Variants in HSPA12A observed in about 807,000 individuals in gnomAD.
The protein encoded by HSPA12A is heat shock protein family A (Hsp70) member 12A, also known as heat shock 70 kDa protein 12A.
In HSPA12A, 28 loss-of-function variants were observed where a neutral mutation model predicts 69.2. That is an observed-to-expected ratio of 0.40 (90% CI 0.30 to 0.55). The LOEUF (loss-of-function observed/expected upper bound fraction) is 0.55. Among genes scored for constraint, HSPA12A ranks in the 20% least tolerant of loss-of-function variants. The probability of loss-of-function intolerance (pLI) is 0.38; values close to 1 mark genes in which losing one functional copy is unlikely to be tolerated. For missense variants in HSPA12A, 686 were observed against 900.7 expected (o/e 0.76, Z 3.05); for synonymous variants, 345 against 370.5 (o/e 0.93, Z 0.79).
intron 2 of HSPA12A, among the ~76,000 whole-genome samples, chr10:116,812,396 C>A (rs1041433148): frequency 3.3e-5 from 5 of 151,766 alleles, no homozygotes; most frequent in African/African-American, 1.2e-4. Flanking sequence ...GAGGATGCAG[C>A]GAGTCGAAAT....
intron 1 of HSPA12A, among the ~76,000 whole-genome samples, chr10:116,839,602 C>CGT (rs1564836870): frequency 2.7e-5 from 3 of 110,568 alleles, no homozygotes; most frequent in Non-Finnish European, 5.2e-5. Context: ...AGATGCCTAC[C>CGT]GTAAAAAAAA....
chr10:116,836,030 A>C (rs533701647), intron 1 of HSPA12A, among the ~76,000 whole-genome samples: 1 of 152,320 alleles, frequency 6.6e-6, no homozygotes, highest in Non-Finnish European at 1.5e-5. Flanking sequence ...AGTGCTTTTA[A>C]GCTAAATACC....
intron 2 of HSPA12A, among the ~76,000 whole-genome samples, chr10:116,785,237 T>C (rs1844551331): frequency 1.4e-5 from 2 of 148,038 alleles, no homozygotes; most frequent in Non-Finnish European, 3.0e-5. Flanking sequence ...GTCCAAAGCC[T>C]CAGGTAGTGG....
rs76844707 is a variant in HSPA12A, at chr10:116,778,120, T to C, written c.91+56815A>G. ...GGTTCTCAGGAGGAGCCGCACATCA[T>C]TGGGGGGGCCTTGGTTGGCCACAGC... is the stretch of plus-strand genomic sequence containing the variant. On this transcript the variant is annotated intron_variant, in intron 2 of 12. Transcript: ENST00000635765. Among the ~76,000 whole-genome samples the C allele has an allele frequency of 9.9e-3, 1,514 of 152,266 alleles. 15 individuals are homozygous for C. Among genetic ancestry groups the C allele is most frequent in the Non-Finnish European group, 0.016 (1,086 of 68,004 alleles).
At chr10:116,739,036 C>T (rs1851398296) in intron 1 of HSPA12A, among the ~76,000 whole-genome samples, 1 of 152,222 alleles carries the variant, frequency 6.6e-6, no homozygotes, top group African/African-American at 2.4e-5. Context: ...AACCAGCGCC[C>T]TGTCACTACC....
intron 2 of HSPA12A, among the ~76,000 whole-genome samples, chr10:116,812,907 G>A (rs1419116527): frequency 6.6e-6 from 1 of 152,176 alleles, no homozygotes; most frequent in African/African-American, 2.4e-5. Flanking sequence ...AGGAAGGACA[G>A]AAAAGACGGA....
At chr10:116,699,493 G>A (rs1554881321) in intron 4 of HSPA12A, among the ~76,000 whole-genome samples, 12 of 108,636 alleles carry the variant, frequency 1.1e-4, no homozygotes, top group Non-Finnish European at 2.0e-5. Flanking sequence ...TTACTGCCAG[G>A]GGGAAAAAAA....
At chr10:116,708,976 GT>G (rs1166391279) in intron 1 of HSPA12A, among the ~76,000 whole-genome samples, 3 of 152,208 alleles carry the variant, frequency 2.0e-5, no homozygotes, top group Non-Finnish European at 4.4e-5. Context: ...GTGGAAAAGA[GT>G]TTGGCAGTTC....
At chr10:116,749,004 C>G (rs949631887) in intron 2 of HSPA12A, among the ~76,000 whole-genome samples, 1 of 152,122 alleles carries the variant, frequency 6.6e-6, no homozygotes, top group Non-Finnish European at 1.5e-5. Flanking sequence ...TTCCTCACCC[C>G]CTGCTGTCTG....
chr10:116,714,383 T>G (rs1217970821), intron 1 of HSPA12A, among the ~76,000 whole-genome samples: 3 of 152,098 alleles, frequency 2.0e-5, no homozygotes, highest in Non-Finnish European at 2.9e-5. Context: ...CCACCACTGC[T>G]CCCAGATGGA....
At chr10:116,696,002 C>CAAAACAAAAAAAAAAAAA (rs1849887531) in intron 5 of HSPA12A, among the ~76,000 whole-genome samples, 1 of 32,714 alleles carries the variant, frequency 3.1e-5, no homozygotes, top group Non-Finnish European at 5.0e-5. Flanking sequence ...GACTCCATCT[C>CAAAACAAAAAAAAAAAAA]AAAAAAAAAA....
chr10:116,816,193 T>C (rs1564829026), intron 2 of HSPA12A, among the ~76,000 whole-genome samples: 1 of 152,248 alleles, frequency 6.6e-6, no homozygotes, highest in Non-Finnish European at 1.5e-5. Context: ...CTCAGCCTGA[T>C]TACTCAGCAA....
intron 2 of HSPA12A, among the ~76,000 whole-genome samples, chr10:116,834,029 C>T (rs1845666965): frequency 6.6e-6 from 1 of 152,200 alleles, no homozygotes; most frequent in African/African-American, 2.4e-5. Flanking sequence ...CAAGACAAGA[C>T]AGGCAAAGGG....
intron 1 of HSPA12A, among the ~76,000 whole-genome samples, chr10:116,712,114 A>C (rs932595198): frequency 6.6e-6 from 1 of 152,202 alleles, no homozygotes; most frequent in African/African-American, 2.4e-5. Context: ...GGAACAAACA[A>C]AAATTAATCA....
intron 2 of HSPA12A, among the ~76,000 whole-genome samples, chr10:116,788,768 C>A (rs1289605367): frequency 2.0e-5 from 3 of 152,018 alleles, no homozygotes; most frequent in African/African-American, 4.8e-5. Flanking sequence ...TGAAAATATA[C>A]CCACAGATAA....
upstream of HSPA12A, among the ~76,000 whole-genome samples, chr10:116,746,120 A>T (rs1049521035): frequency 1.9e-4 from 29 of 151,982 alleles, no homozygotes; most frequent in Admixed American, 6.6e-5. Flanking sequence ...GGCCTTTCTC[A>T]TCCTCTCCGG....
At chr10:116,799,222 C>G (rs756150751) in intron 2 of HSPA12A, among the ~76,000 whole-genome samples, 11 of 152,310 alleles carry the variant, frequency 7.2e-5, no homozygotes, top group Admixed American at 6.5e-5. Context: ...CACAGAGCCA[C>G]GTACACAGCT....
At chr10:116,848,280 T>C (rs959026436) in intron 1 of HSPA12A, among the ~76,000 whole-genome samples, 2 of 152,214 alleles carry the variant, frequency 1.3e-5, no homozygotes, top group African/African-American at 4.8e-5. Context: ...CAGTGAGACG[T>C]TCCGTAAGAG....
intron 1 of HSPA12A, 94 bp from the exon 2 acceptor site, chr10:116,707,379 C>T: frequency 1.1e-6 from 1 of 948,418 alleles, no homozygotes; most frequent in East Asian, 2.6e-5. Context: ...CCTCCAGGAA[C>T]TGCGGCCTCT....
Sources: gnomAD v4.1 joint callset for allele counts (sites outside exome capture counted in the v4.1 genomes callset) on GRCh38, gnomAD v4.1.1 for gene constraint, MANE v1.5 for transcripts, NCBI Gene and HGNC (gene_info 2026-07-23, HGNC 2026-07-21) for gene names.